SNX29: variants seen among roughly 807,000 people sequenced by gnomAD.
SNX29 encodes the protein sorting nexin 29.
SNX29 carries 78 observed loss-of-function variants against 102.1 expected under a neutral mutation model. That is an observed-to-expected ratio of 0.76 (90% CI 0.64 to 0.92). SNX29 has a LOEUF of 0.92. Among genes scored for constraint, SNX29 ranks in the 40% least tolerant of loss-of-function variants. The pLI is 0.00. For synonymous variants in SNX29, 580 were observed against 414.5 expected (o/e 1.40, Z -4.85); for missense variants, 1,280 against 1,061.7 (o/e 1.21, Z -2.86).
At chr16:12,541,597 G>C (rs1567678776) in intron 20 of SNX29, among the ~76,000 whole-genome samples, 1 of 152,114 alleles carries the variant, frequency 6.6e-6, no homozygotes, top group Non-Finnish European at 1.5e-5. Context: ...CAACCCTGAG[G>C]TCACACTCTG....
chr16:12,542,353 A>G (rs868796576), intron 20 of SNX29, among the ~76,000 whole-genome samples: 1 of 152,202 alleles, frequency 6.6e-6, no homozygotes, highest in African/African-American at 2.4e-5. Context: ...CTCAAAAGAA[A>G]AAGTTAGACC....
At chr16:12,551,363 C>G (rs987789492) in intron 20 of SNX29, among the ~76,000 whole-genome samples, 1 of 152,224 alleles carries the variant, frequency 6.6e-6, no homozygotes, top group Non-Finnish European at 1.5e-5. Flanking sequence ...GCTAGTCTTT[C>G]CATTTGCAGA....
intron 20 of SNX29, chr16:12,527,141 G>A (rs1470198883): frequency 3.9e-6 from 2 of 510,104 alleles, no homozygotes; most frequent in East Asian, 4.0e-5. Flanking sequence ...AAATCCCACA[G>A]CCCCCTTCTC....
chr16:12,292,451 C>T (rs2079831075), intron 15 of SNX29, among the ~76,000 whole-genome samples: 1 of 152,226 alleles, frequency 6.6e-6, no homozygotes, highest in South Asian at 2.1e-4. Flanking sequence ...CTGCACCTTC[C>T]TCCCGTGGCC....
intron 13 of SNX29, among the ~76,000 whole-genome samples, chr16:12,137,404 C>T (rs1181178591): frequency 2.6e-5 from 4 of 152,142 alleles, no homozygotes; most frequent in South Asian, 4.2e-4. Context: ...TTCAGCTCCT[C>T]CTGGTGTTAT....
At chr16:12,313,021 G>GC (rs2080611649) in intron 15 of SNX29, among the ~76,000 whole-genome samples, 1 of 145,882 alleles carries the variant, frequency 6.9e-6, no homozygotes. Context: ...TTTGTTTTCT[G>GC]TTTTTTTTTT....
chr16:12,259,496 C>A (rs1465098706), intron 14 of SNX29, among the ~76,000 whole-genome samples: 1 of 152,190 alleles, frequency 6.6e-6, no homozygotes, highest in Admixed American at 6.5e-5. Context: ...CAGCCCCCAC[C>A]TGGCTCCCCG....
At chr16:12,281,250 T>G (rs2079420687) in intron 15 of SNX29, among the ~76,000 whole-genome samples, 1 of 152,200 alleles carries the variant, frequency 6.6e-6, no homozygotes, top group Non-Finnish European at 1.5e-5. Flanking sequence ...TTGGAACACC[T>G]TAAACATGGT....
intron 18 of SNX29, 92 bp downstream of exon 18, chr16:12,403,621 C>A: frequency 1.6e-6 from 2 of 1,248,772 alleles, no homozygotes; most frequent in Non-Finnish European, 2.3e-6. Context: ...GGTGGTGGGG[C>A]GCTATGATTA....
At chr16:12,145,725 A>G (rs969492631) in intron 13 of SNX29, among the ~76,000 whole-genome samples, 13 of 152,232 alleles carry the variant, frequency 8.5e-5, no homozygotes, top group African/African-American at 2.9e-4. Flanking sequence ...TTTTATTACA[A>G]TAATACAGTA....
Position 12,219,891 on chromosome 16 carries a change from G to A in SNX29, c.1678+20208G>A, listed in dbSNP as rs572394432. ...GGCTCAATCACTCGTACATTGATCC[G>A]GGTACCCCTCACTCCACAGCCCCCC... On this transcript the variant is annotated intron_variant, in intron 14 of 20. Coordinates refer to ENST00000566228, the MANE Select transcript of SNX29 (RefSeq NM_032167.5). Among the ~76,000 whole-genome samples, 6 of 152,198 alleles carry A rather than the reference G, an allele frequency of 3.9e-5. No individual in the cohort carries two copies. The South Asian group carries it at 1.0e-3, about 26-fold the overall frequency.
At chr16:12,284,404 C>T (rs568132285) in intron 15 of SNX29, among the ~76,000 whole-genome samples, 19 of 152,196 alleles carry the variant, frequency 1.2e-4, no homozygotes, top group Non-Finnish European at 2.5e-4. Flanking sequence ...CAGGAGGTGT[C>T]TCTGTGCTTC....
chr16:12,493,994 T>C (rs940867892), intron 19 of SNX29, among the ~76,000 whole-genome samples: 1 of 152,234 alleles, frequency 6.6e-6, no homozygotes, highest in Non-Finnish European at 1.5e-5. Context: ...CTTGCCTTTG[T>C]GTGTCCTTTG....
intron 18 of SNX29, among the ~76,000 whole-genome samples, chr16:12,442,597 T>G (rs954234359): frequency 5.3e-5 from 8 of 151,936 alleles, no homozygotes; most frequent in Non-Finnish European, 7.4e-5. Context: ...TTGTTTTTTT[T>G]TTTTTGATAT....
chr16:12,016,995 G>A (rs1015299924), intron 3 of SNX29, among the ~76,000 whole-genome samples: 6 of 151,844 alleles, frequency 4.0e-5, no homozygotes, highest in African/African-American at 9.7e-5. Flanking sequence ...TTAACTGACC[G>A]TGGTAGCGCC....
chr16:12,565,514 G>A (rs1252047212), intron 20 of SNX29, among the ~76,000 whole-genome samples: 2 of 152,154 alleles, frequency 1.3e-5, no homozygotes, highest in East Asian at 1.9e-4. Flanking sequence ...CCGAGACATG[G>A]CTCTGCTCCA....
intron 19 of SNX29, 98 bp downstream of exon 19, chr16:12,477,957 T>G: frequency 2.2e-6 from 3 of 1,377,964 alleles, no homozygotes; most frequent in Non-Finnish European, 2.9e-6. Flanking sequence ...CACATGCTCC[T>G]TAAAGAAAAG....
intron 18 of SNX29, among the ~76,000 whole-genome samples, chr16:12,403,893 C>T (rs1567528897): frequency 6.6e-6 from 1 of 152,132 alleles, no homozygotes; most frequent in Non-Finnish European, 1.5e-5. Context: ...GCTGCCATAT[C>T]CTGTGTCTGC....
intron 19 of SNX29, among the ~76,000 whole-genome samples, chr16:12,500,523 C>T (rs1597625648): frequency 6.6e-6 from 1 of 152,242 alleles, no homozygotes; most frequent in African/African-American, 2.4e-5. Flanking sequence ...GCAAAGAACA[C>T]AGTGGTGAAT....
Sources: gnomAD v4.1 joint callset for allele counts (sites outside exome capture counted in the v4.1 genomes callset) on GRCh38, gnomAD v4.1.1 for gene constraint, MANE v1.5 for transcripts, NCBI Gene and HGNC (gene_info 2026-07-23, HGNC 2026-07-21) for gene names.